ZNF25: variants seen among roughly 807,000 people sequenced by gnomAD.
ZNF25 encodes the protein zinc finger protein 25 (KOX 19).
In ZNF25, 21 loss-of-function variants were observed where a neutral mutation model predicts 30.9. The ratio of observed to expected loss-of-function variants is 0.68; its 90% confidence interval spans 0.48 to 0.98. The LOEUF (loss-of-function observed/expected upper bound fraction) is 0.98. Among genes scored for constraint, ZNF25 ranks in the 50% least tolerant of loss-of-function variants. The pLI is 0.00. For missense variants in ZNF25, 501 were observed against 529.9 expected (o/e 0.95, Z 0.54); for synonymous variants, 169 against 181.3 (o/e 0.93, Z 0.55).
chr10:37,955,142 A>T (rs1450224879), intron 4 of ZNF25, among the ~76,000 whole-genome samples: 1 of 150,848 alleles, frequency 6.6e-6, no homozygotes, highest in Non-Finnish European at 1.5e-5. Context: ...CAACAGAGTG[A>T]GACTCCATAT....
intron 1 of ZNF25, among the ~76,000 whole-genome samples, chr10:37,975,857 G>T (rs952978607): frequency 2.0e-5 from 3 of 152,172 alleles, no homozygotes; most frequent in African/African-American, 7.2e-5. Context: ...TACAAGTCAA[G>T]ACTGGATTTT....
At chr10:37,964,206 G>C (rs1454637126) in intron 2 of ZNF25, among the ~76,000 whole-genome samples, 1 of 152,104 alleles carries the variant, frequency 6.6e-6, no homozygotes, top group Non-Finnish European at 1.5e-5. Context: ...CCAGCCTCAG[G>C]TATTTCTGTG....
intron 2 of ZNF25, among the ~76,000 whole-genome samples, chr10:37,964,281 C>G (rs1445918342): frequency 6.6e-6 from 1 of 152,020 alleles, no homozygotes; most frequent in African/African-American, 2.4e-5. Context: ...TATAAAGATA[C>G]CTGAAAATAT....
chr10:37,954,584 C>T (rs1373783072), intron 4 of ZNF25, among the ~76,000 whole-genome samples: 2 of 152,196 alleles, frequency 1.3e-5, no homozygotes, highest in Non-Finnish European at 1.5e-5. Flanking sequence ...ACTTGTTACT[C>T]ATGACTCAAC....
intron 5 of ZNF25, chr10:37,953,409 T>C (rs565274281): frequency 3.5e-4 from 211 of 610,744 alleles, no homozygotes; most frequent in Admixed American, 5.8e-4. Context: ...TTGCATTCTA[T>C]TCACAGGGTC....
rs1331088632 is a variant in ZNF25 at position 37,952,654 on chromosome 10, C to G, written c.844G>C (p.Gly282Arg). ...TCCTTACATTTATAGGGTTTCTCCC[C>G]TGTGTGCATTCTCTGATGTACTGTG... ...HLTVHQRMHT[G>R]EKPYKCKECG... is the part of the protein sequence containing the mutation. Residue 282 changes from glycine (G) to arginine (R), a missense_variant, in exon 6 of 6, where the codon GGG (glycine) becomes CGG (arginine). Coordinates refer to ENST00000302609, the MANE Select transcript of ZNF25 (RefSeq NM_145011.4). 2 of 1,613,458 alleles carry G rather than the reference C, an allele frequency of 1.2e-6. No homozygotes were observed. Among genetic ancestry groups the G allele is most frequent in the East Asian group, 4.5e-5 (2 of 44,766 alleles).
In ZNF25 at chr10:37,952,252, G is replaced by C. The variant is rs763432894; in HGVS notation, c.1246C>G (p.His416Asp). Reference sequence around the variant, plus strand: ...TTCTCCCCTGTGTGTTTTCTCTGATGTATAATAAAATGTGACTTCTGAGAA... The same window carrying C: ...TTCTCCCCTGTGTGTTTTCTCTGATCTATAATAAAATGTGACTTCTGAGAA... ...SFSQKSHFII[H>D]QRKHTGEKPY... The change falls in exon 6 of 6, where the codon CAT becomes GAT. Residue 416 changes from histidine (H) to aspartate (D), a missense_variant. Coordinates refer to ENST00000302609, the MANE Select transcript of ZNF25 (RefSeq NM_145011.4). The C allele has an allele frequency of 8.7e-6, 14 of 1,613,908 alleles. No individual in the cohort carries two copies. In the Admixed American group the frequency reaches 2.3e-4, roughly 27 times the overall value.
intron 2 of ZNF25, 92 bp from the exon 3 acceptor site, chr10:37,957,638 T>C: frequency 7.3e-7 from 1 of 1,374,704 alleles, no homozygotes; most frequent in Non-Finnish European, 9.7e-7. Flanking sequence ...GTGTACTAAC[T>C]GCAAAGTTCA....
At chr10:37,961,797 T>C (rs1036612262) in intron 2 of ZNF25, among the ~76,000 whole-genome samples, 2 of 151,784 alleles carry the variant, frequency 1.3e-5, no homozygotes, top group East Asian at 3.9e-4. Flanking sequence ...GGCTCATGCC[T>C]GTAATCCCAG....
chr10:37,953,103 G>T lies in ZNF25; in HGVS notation c.395C>A (p.Ala132Asp). ...GTGAGTATGCTGATGTACTATGAGG[G>T]CAGACTTCTGGCAGAAGAACTTCCC... is the stretch of plus-strand genomic sequence containing the variant. ...ECGKFFCQKSALIVHQHTHSK... is the reference protein window; with the variant it reads ...ECGKFFCQKSDLIVHQHTHSK... The change falls in exon 6 of 6, where the codon GCC (alanine) becomes GAC (aspartate). Residue 132 changes from alanine (A) to aspartate (D), a missense_variant. By Grantham distance (126) the Ala-to-Asp change is moderately radical. Coordinates refer to ENST00000302609, the MANE Select transcript of ZNF25 (RefSeq NM_145011.4). 1 of 1,611,420 alleles carries T rather than the reference G, an allele frequency of 6.2e-7. No individual in the cohort carries two copies. Among genetic ancestry groups the T allele is most frequent in the Non-Finnish European group, 8.5e-7 (1 of 1,179,276 alleles).
Position 37,957,402 on chromosome 10 carries a change from T to C in ZNF25, c.142+18A>G. On this transcript the variant is annotated intron_variant, in intron 3 of 5. Transcript: ENST00000302609. ...GATGCAAACTACTGGGATTTACACC[T>C]GGGGAAGTTTTCCTCACCCACTGAG... is the stretch of plus-strand genomic sequence containing the variant. The C allele has an allele frequency of 1.2e-6, 2 of 1,609,818 alleles. No homozygotes were observed. Among genetic ancestry groups the C allele is most frequent in the Non-Finnish European group, 1.7e-6 (2 of 1,177,918 alleles).
At position 37,952,557 on chromosome 10, in the gene ZNF25, T is replaced by C. The variant is rs776486947; in HGVS notation, c.941A>G (p.Tyr314Cys). ...GCATTTCCTACATTCCTTACATTCA[T>C]AGGGTTTCTCTCCTGTGTGACTTCT... ...HQRSHTGEKP[Y>C]ECKECRKCFY... is the part of the protein sequence containing the mutation. The change falls in exon 6 of 6, where the codon TAT becomes TGT. Residue 314 changes from tyrosine (Y) to cysteine (C), a missense_variant. Physicochemically the swap from Tyr to Cys is radical, Grantham distance 194. Coordinates refer to ENST00000302609, the MANE Select transcript of ZNF25 (RefSeq NM_145011.4). The C allele has an allele frequency of 6.2e-7, 1 of 1,613,698 alleles. No individual in the cohort carries two copies. Among genetic ancestry groups the C allele is most frequent in the Non-Finnish European group, 8.5e-7 (1 of 1,179,884 alleles).
chr10:37,952,508 T>A lies in ZNF25; in HGVS notation c.990A>T (p.Thr330=). ...CCCCTGTGTGAGTTCGCTGATGTAC[T>A]GTGAGGGCTGACTTCTGGTAGAAGC... ...RKCFYQKSAL[T]VHQRTHTGEK... Residue 330 remains threonine (T), a synonymous_variant, in exon 6 of 6, where the codon ACA becomes ACT. Transcript: ENST00000302609. The A allele has an allele frequency of 6.2e-7, 1 of 1,613,510 alleles. No individual in the cohort carries two copies. The highest frequency in any genetic ancestry group is 8.5e-7 in the Non-Finnish European group (1 of 1,179,846).
intron 4 of ZNF25, among the ~76,000 whole-genome samples, chr10:37,956,647 TG>T (rs894809788): frequency 7.2e-5 from 11 of 152,030 alleles, no homozygotes; most frequent in African/African-American, 2.7e-4. Flanking sequence ...CCGGGCACGG[TG>T]ACTCACACCT....
intron 4 of ZNF25, among the ~76,000 whole-genome samples, chr10:37,955,988 C>G (rs575462377): frequency 6.6e-6 from 1 of 152,168 alleles, no homozygotes; most frequent in Non-Finnish European, 1.5e-5. Context: ...CAGCCAGTCT[C>G]TTGTTAATTA....
At chr10:37,963,131 T>TA (rs1243384445) in intron 2 of ZNF25, among the ~76,000 whole-genome samples, 1,528 of 151,922 alleles carry the variant, frequency 0.01, 28 homozygotes, top group African/African-American at 0.035. Flanking sequence ...TTTATTTATT[T>TA]TTTGAGACAG....
chr10:37,960,623 C>CAAAAAA lies in ZNF25; in HGVS notation c.16-3083_16-3078dup, dbSNP rs201582068. Among the ~76,000 whole-genome samples, 91 of 65,590 alleles carry CAAAAAA rather than the reference C, an allele frequency of 1.4e-3. 2 individuals carry two copies. The highest frequency in any genetic ancestry group is 2.6e-3 in the East Asian group (6 of 2,272). The allele number at this position is 65,590 out of a possible 152,430, so 43.0% of individuals were successfully genotyped here. A position where few individuals can be genotyped will look rare whatever the true frequency, so the allele number is the denominator to read the frequency against. ...TGGGTGACCGAGCAAGACTCCATCT[C>CAAAAAA]AAAAAAAAAAAAAAAAAAAAACAAA... On this transcript the variant is annotated intron_variant, in intron 2 of 5. Coordinates refer to ENST00000302609, the MANE Select transcript of ZNF25 (RefSeq NM_145011.4).
At chr10:37,954,119 A>C (rs2062363344) in intron 4 of ZNF25, among the ~76,000 whole-genome samples, 1 of 152,330 alleles carries the variant, frequency 6.6e-6, no homozygotes, top group South Asian at 2.1e-4. Flanking sequence ...CTTAAGGACC[A>C]TGAACAGTAA....
At position 37,963,840 on chromosome 10, in the gene ZNF25, T is replaced by C. The variant is rs183609675; in HGVS notation, c.16-6294A>G. Among the ~76,000 whole-genome samples the C allele has an allele frequency of 2.0e-5, 3 of 152,212 alleles. No homozygotes were observed. In the East Asian group the frequency reaches 5.8e-4, roughly 30 times the overall value. On this transcript the variant is annotated intron_variant, in intron 2 of 5. Coordinates refer to ENST00000302609, the MANE Select transcript of ZNF25 (RefSeq NM_145011.4). ...AAATACAAAAATTAGGCGGGTGTGG[T>C]GGTCCACGCCTGTAGTCTCAACTAC...
Sources: gnomAD v4.1 joint callset for allele counts (sites outside exome capture counted in the v4.1 genomes callset) on GRCh38, gnomAD v4.1.1 for gene constraint, MANE v1.5 for transcripts, NCBI Gene and HGNC (gene_info 2026-07-23, HGNC 2026-07-21) for gene names.